The following MARCHF3 variants were observed in gnomAD, a reference collection of about 807,000 sequenced individuals.
MARCHF3 encodes the protein membrane associated ring-CH-type finger 3.
Under a neutral mutation model 24.2 loss-of-function variants are expected in MARCHF3, and 13 were observed. The ratio of observed to expected loss-of-function variants is 0.54; its 90% CI spans 0.35 to 0.85. The LOEUF is 0.85. Among genes scored for constraint, MARCHF3 ranks in the 40% least tolerant of loss-of-function variants. The pLI, the probability that MARCHF3 is intolerant of heterozygous loss-of-function variation, is 0.01. For synonymous variants in MARCHF3, 144 were observed against 137.3 expected (o/e 1.05, Z -0.34); for missense variants, 276 against 325.0 (o/e 0.85, Z 1.16).
intron 3 of MARCHF3, chr5:126,914,720 C>T: frequency 1.7e-6 from 1 of 595,572 alleles, no homozygotes; most frequent in Non-Finnish European, 3.0e-6. Flanking sequence ...AGTGAGCTAG[C>T]AAGCTCTCCC....
chr5:127,000,621 A>G (rs970665033), intron 1 of MARCHF3, among the ~76,000 whole-genome samples: 3 of 152,226 alleles, frequency 2.0e-5, no homozygotes, highest in Admixed American at 2.0e-4. Context: ...GGGCAGAATG[A>G]AAGGAACTGC....
chr5:126,896,893 G>A (rs775176517), intron 3 of MARCHF3, among the ~76,000 whole-genome samples: 22 of 152,012 alleles, frequency 1.4e-4, no homozygotes, highest in Non-Finnish European at 2.9e-4. Context: ...GACAATGGAT[G>A]TGTGTCTATT....
At chr5:126,927,528 T>C (rs1417215991) in intron 1 of MARCHF3, among the ~76,000 whole-genome samples, 3 of 152,224 alleles carry the variant, frequency 2.0e-5, no homozygotes, top group Non-Finnish European at 4.4e-5. Flanking sequence ...GGGCACAGCA[T>C]GCATCATGGC....
In MARCHF3 at chr5:126,878,285, CGCAGG is replaced by C; in HGVS notation, c.498_502del (p.Cys166TrpfsTer10). On this transcript the variant is annotated frameshift_variant, in exon 4 of 5. Coordinates refer to ENST00000308660, the MANE Select transcript of MARCHF3 (RefSeq NM_178450.5). LOFTEE classifies it high-confidence loss of function. ...AAAGTGCAGGTGGTCCACGGCGCCC[CGCAGG>C]CACAGCCAGCCCGAGATGGTGGCCA... is the stretch of plus-strand genomic sequence containing the variant. 2 of 1,614,208 alleles carry C rather than the reference CGCAGG, an allele frequency of 1.2e-6. No homozygotes were observed. The highest frequency in any genetic ancestry group is 1.7e-6 in the Non-Finnish European group (2 of 1,180,034).
At chr5:126,891,711 G>T (rs1309308277) in intron 3 of MARCHF3, among the ~76,000 whole-genome samples, 51 of 137,824 alleles carry the variant, frequency 3.7e-4, no homozygotes, top group East Asian at 1.9e-3. Context: ...ATAGTTTGAA[G>T]TCAGGTAGTG....
At chr5:126,925,474 G>A (rs560071977) in intron 1 of MARCHF3, among the ~76,000 whole-genome samples, 2 of 152,004 alleles carry the variant, frequency 1.3e-5, no homozygotes, top group African/African-American at 4.8e-5. Context: ...GGCAAATCAA[G>A]TAACAATTAT....
At chr5:126,960,080 C>T (rs191077024) in intron 1 of MARCHF3, among the ~76,000 whole-genome samples, 2 of 152,260 alleles carry the variant, frequency 1.3e-5, no homozygotes, top group East Asian at 1.9e-4. Flanking sequence ...ATCTTTCCAA[C>T]GGTCCATACA....
At chr5:126,935,107 T>C (rs1312743575) in intron 1 of MARCHF3, among the ~76,000 whole-genome samples, 1 of 152,126 alleles carries the variant, frequency 6.6e-6, no homozygotes, top group Non-Finnish European at 1.5e-5. Flanking sequence ...AGTGGCACAG[T>C]GGTATAGGTG....
intron 3 of MARCHF3, among the ~76,000 whole-genome samples, chr5:126,910,725 T>C (rs894995279): frequency 6.6e-6 from 1 of 152,196 alleles, no homozygotes; most frequent in African/African-American, 2.4e-5. Context: ...AAATTGTTTG[T>C]AGAGCATGTG....
chr5:126,973,858 C>T (rs1261269708), intron 1 of MARCHF3, among the ~76,000 whole-genome samples: 1 of 149,474 alleles, frequency 6.7e-6, no homozygotes, highest in Non-Finnish European at 1.5e-5. Flanking sequence ...TACTTTCTAT[C>T]CAGAATATTA....
At chr5:127,020,037 A>G (rs1462111876) in intron 1 of MARCHF3, among the ~76,000 whole-genome samples, 3 of 152,228 alleles carry the variant, frequency 2.0e-5, no homozygotes, top group Non-Finnish European at 4.4e-5. Context: ...CACCCTAGAA[A>G]TCACAATAGA....
rs778109651 is a variant in MARCHF3 at position 126,868,436 on chromosome 5, G to GA, written c.*2196dup. The GA allele has an allele frequency of 1.2e-4, 18 of 152,232 alleles. No individual in the cohort carries two copies. The highest frequency in any genetic ancestry group is 2.2e-4 in the Non-Finnish European group (15 of 68,068). 9.4% of individuals were successfully genotyped at this position (152,232 alleles called of 1,614,324 possible). On this transcript the variant is annotated 3_prime_UTR_variant, in exon 5 of 5. Coordinates refer to ENST00000308660, the MANE Select transcript of MARCHF3 (RefSeq NM_178450.5). Reference sequence around the variant, plus strand: ...ACTCTGTTTTACTTCACAGGGCAGGGATGCAAACACGAAGGAAAGAGGTGT... The same window carrying GA: ...ACTCTGTTTTACTTCACAGGGCAGGGAATGCAAACACGAAGGAAAGAGGTGT...
intron 1 of MARCHF3, among the ~76,000 whole-genome samples, chr5:127,006,765 T>C (rs1249622322): frequency 6.6e-6 from 1 of 152,218 alleles, no homozygotes; most frequent in African/African-American, 2.4e-5. Flanking sequence ...CTTTCACAAT[T>C]TACTACATAG....
At chr5:126,871,802 G>A (rs910664975) in intron 4 of MARCHF3, among the ~76,000 whole-genome samples, 1 of 151,984 alleles carries the variant, frequency 6.6e-6, no homozygotes, top group African/African-American at 2.4e-5. Context: ...TGCCTCACGG[G>A]TTCAAGCGAT....
intron 1 of MARCHF3, among the ~76,000 whole-genome samples, chr5:127,004,429 G>A (rs1752241224): frequency 6.6e-6 from 1 of 152,164 alleles, no homozygotes; most frequent in African/African-American, 2.4e-5. Flanking sequence ...GACGAAGGCA[G>A]AAATAGAATT....
intron 1 of MARCHF3, among the ~76,000 whole-genome samples, chr5:126,982,651 G>A (rs1205194019): frequency 1.3e-5 from 2 of 152,192 alleles, no homozygotes; most frequent in Non-Finnish European, 2.9e-5. Context: ...GAAGACCTGG[G>A]TTTGAACCTT....
intron 3 of MARCHF3, among the ~76,000 whole-genome samples, chr5:126,898,164 C>T (rs1226954013): frequency 6.6e-6 from 1 of 151,900 alleles, no homozygotes. Flanking sequence ...ATACAAAATA[C>T]CATGAAATTG....
chr5:126,908,071 C>T (rs897902530), intron 3 of MARCHF3, among the ~76,000 whole-genome samples: 6 of 151,850 alleles, frequency 4.0e-5, no homozygotes, highest in African/African-American at 7.2e-5. Context: ...ATTTCTCCTT[C>T]ACTTATGAAG....
At chr5:127,005,779 T>A (rs964125859) in intron 1 of MARCHF3, among the ~76,000 whole-genome samples, 1 of 152,194 alleles carries the variant, frequency 6.6e-6, no homozygotes, top group African/African-American at 2.4e-5. Context: ...ATGCATGTCA[T>A]GTTCATGCAT....
Sources: allele counts gnomAD v4.1 joint callset (sites outside exome capture counted in the v4.1 genomes callset), GRCh38; gene constraint gnomAD v4.1.1; transcripts MANE v1.5; gene names NCBI Gene and HGNC (gene_info 2026-07-23, HGNC 2026-07-21).